The following NTN1 variants were observed in gnomAD, a reference collection of about 807,000 sequenced individuals.
NTN1 encodes the protein netrin 1, also known as netrin-1.
Under a neutral mutation model 54.2 loss-of-function variants are expected in NTN1, and 11 were observed. That is an observed-to-expected ratio of 0.20 (90% confidence interval 0.13 to 0.34). NTN1 has a LOEUF of 0.34. Among genes scored for constraint, NTN1 ranks in the 10% least tolerant of loss-of-function variants. The pLI, the probability that NTN1 is intolerant of heterozygous loss-of-function variation, is 1.00. For missense variants in NTN1, 740 were observed against 893.1 expected (o/e 0.83, Z 2.18); for synonymous variants, 371 against 382.0 (o/e 0.97, Z 0.33).
chr17:9,058,833 A>T (rs1391181086), intron 2 of NTN1, among the ~76,000 whole-genome samples: 2 of 151,958 alleles, frequency 1.3e-5, no homozygotes, highest in African/African-American at 4.8e-5. Flanking sequence ...GTCTTTAAGG[A>T]GTTGAAGGGA....
chr17:9,055,609 T>G (rs965978969), intron 2 of NTN1, among the ~76,000 whole-genome samples: 12 of 152,074 alleles, frequency 7.9e-5, no homozygotes, highest in African/African-American at 2.9e-4. Flanking sequence ...AGGAAGGAGC[T>G]TGCCACGTTT....
the NTN1 span, among the ~76,000 whole-genome samples, chr17:9,011,490 T>A: frequency 6.6e-6 from 1 of 152,220 alleles, no homozygotes; most frequent in South Asian, 2.1e-4. Flanking sequence ...GCCATAACAA[T>A]TTCTCCATCT....
chr17:9,230,006 C>T (rs557020991), intron 6 of NTN1, among the ~76,000 whole-genome samples: 1 of 151,990 alleles, frequency 6.6e-6, no homozygotes, highest in Admixed American at 6.5e-5. Context: ...TCTCACCACT[C>T]CCGCCTCTTG....
intron 2 of NTN1, among the ~76,000 whole-genome samples, chr17:9,108,399 T>C (rs2092176260): frequency 6.6e-6 from 1 of 152,088 alleles, no homozygotes; most frequent in Non-Finnish European, 1.5e-5. Flanking sequence ...CAAAGTCTAA[T>C]CAGCAGAGCC....
At chr17:9,123,528 A>G (rs987508879) in intron 2 of NTN1, among the ~76,000 whole-genome samples, 2 of 152,244 alleles carry the variant, frequency 1.3e-5, no homozygotes, top group African/African-American at 2.4e-5. Flanking sequence ...TTTCAGTATC[A>G]TACTTCAGAA....
At chr17:9,157,688 G>A (rs949749663) in intron 2 of NTN1, among the ~76,000 whole-genome samples, 1 of 152,204 alleles carries the variant, frequency 6.6e-6, no homozygotes, top group Non-Finnish European at 1.5e-5. Context: ...AAAGCTTGGG[G>A]TGTCTGTGGG....
chr17:9,027,279 G>A (rs1401583015), intron 2 of NTN1, among the ~76,000 whole-genome samples: 1 of 152,098 alleles, frequency 6.6e-6, no homozygotes, highest in Non-Finnish European at 1.5e-5. Context: ...GATTAACCCT[G>A]GAGGACTTAC....
chr17:9,039,648 C>A (rs1265161593), intron 2 of NTN1, among the ~76,000 whole-genome samples: 2 of 152,210 alleles, frequency 1.3e-5, no homozygotes, highest in Admixed American at 1.3e-4. Context: ...TTCCTGCTGT[C>A]TTGGTAATCC....
chr17:9,050,017 C>T (rs376845875), intron 2 of NTN1, among the ~76,000 whole-genome samples: 1,536 of 150,892 alleles, frequency 0.01, 26 homozygotes, highest in African/African-American at 0.033. Flanking sequence ...GAGGCCTAGG[C>T]GGGTGGATCA....
intron 6 of NTN1, among the ~76,000 whole-genome samples, chr17:9,227,562 C>CG (rs1905625008): frequency 2.0e-5 from 1 of 50,752 alleles, no homozygotes. Context: ...GGCACACACA[C>CG]TATCACACAC....
the NTN1 span, among the ~76,000 whole-genome samples, chr17:9,005,797 ACC>A: frequency 2.0e-5 from 3 of 152,152 alleles, no homozygotes; most frequent in Admixed American, 6.5e-5. Flanking sequence ...TGAACTGTGC[ACC>A]CAGCCAGATG....
chr17:9,205,045 T>C (rs1904933143), intron 5 of NTN1, among the ~76,000 whole-genome samples: 1 of 152,110 alleles, frequency 6.6e-6, no homozygotes, highest in Non-Finnish European at 1.5e-5. Flanking sequence ...TTCATTACCA[T>C]TAAGAGCCAG....
chr17:9,004,764 A>T, the NTN1 span, among the ~76,000 whole-genome samples: 1 of 152,226 alleles, frequency 6.6e-6, no homozygotes, highest in Non-Finnish European at 1.5e-5. Flanking sequence ...CACCCGGCCG[A>T]CTTGGCCCTG....
intron 2 of NTN1, among the ~76,000 whole-genome samples, chr17:9,124,035 C>A (rs1184790942): frequency 6.6e-6 from 1 of 152,168 alleles, no homozygotes; most frequent in African/African-American, 2.4e-5. Flanking sequence ...CTCAGGTCTT[C>A]TTAGCAACCT....
the NTN1 span, among the ~76,000 whole-genome samples, chr17:9,007,704 C>G: frequency 6.9e-6 from 1 of 145,922 alleles, no homozygotes; most frequent in Non-Finnish European, 1.5e-5. Flanking sequence ...TCCTTTCTTC[C>G]TTTCTTCCCT....
rs570066349 is a variant in NTN1 at position 9,210,358 on chromosome 17, C to T, written c.1412-10810C>T. Among the ~76,000 whole-genome samples, 4 of 152,148 alleles carry T rather than the reference C, an allele frequency of 2.6e-5. No homozygotes were observed. In the East Asian group the frequency reaches 5.8e-4, roughly 22 times the overall value. On this transcript the variant is annotated intron_variant, in intron 5 of 6. Transcript: ENST00000173229. ...ACTGTCCTCACTCCCAGCCACCTTA[C>T]CATGCACACAGTTGGCATTCAGGGA...
intron 2 of NTN1, among the ~76,000 whole-genome samples, chr17:9,070,640 G>C (rs917397406): frequency 6.6e-6 from 1 of 152,170 alleles, no homozygotes; most frequent in Non-Finnish European, 1.5e-5. Flanking sequence ...CTGCCAGGCT[G>C]GAGTGCAATG....
intron 2 of NTN1, among the ~76,000 whole-genome samples, chr17:9,092,109 C>G (rs1423286600): frequency 1.3e-5 from 2 of 151,852 alleles, no homozygotes; most frequent in Non-Finnish European, 2.9e-5. Flanking sequence ...AGGCTGGTCT[C>G]AAACTCCCGA....
intron 2 of NTN1, among the ~76,000 whole-genome samples, chr17:9,084,428 A>G (rs2092083464): frequency 1.3e-5 from 2 of 152,164 alleles, no homozygotes; most frequent in African/African-American, 4.8e-5. Context: ...ATTCCAGTGT[A>G]GAAACAGCCA....
Sources: allele counts gnomAD v4.1 joint callset (sites outside exome capture counted in the v4.1 genomes callset), GRCh38; gene constraint gnomAD v4.1.1; transcripts MANE v1.5; gene names NCBI Gene and HGNC (gene_info 2026-07-23, HGNC 2026-07-21).